The following DCX variants were observed in gnomAD, a reference collection of about 807,000 sequenced individuals.
DCX encodes doublecortin.
Under a neutral mutation model 20.9 loss-of-function variants are expected in DCX, and 4 were observed. The ratio of observed to expected loss-of-function variants is 0.19; its 90% CI spans 0.09 to 0.44. The LOEUF is 0.44. DCX is among the 20% of genes least tolerant of loss of function. The probability of loss-of-function intolerance (pLI) is 0.99; values close to 1 mark genes in which losing one functional copy is unlikely to be tolerated. For missense variants in DCX, 133 were observed against 296.9 expected (o/e 0.45, Z 4.06); for synonymous variants, 103 against 111.4 (o/e 0.92, Z 0.47).
Position 111,314,291 on chromosome X carries a change from A to C in DCX, c.947-1555T>G, listed in dbSNP as rs185286237. ...AGCTATGGAGCTCTACCTATGAGCC[A>C]AACAAAGTGTTAGACATCAAGGTTT... On this transcript the variant is annotated intron_variant, in intron 5 of 6. Transcript: ENST00000636035. Among the ~76,000 whole-genome samples the C allele has an allele frequency of 3.0e-3, 336 of 112,210 alleles. 3 individuals carry two copies. Among genetic ancestry groups the C allele is most frequent in the African/African-American group, 0.01 (322 of 30,913 alleles).
rs587783581 is a variant in DCX, at chrX:111,401,007, T to C, written c.688A>G (p.Thr230Ala). The change falls in exon 3 of 7, where the codon ACT (threonine) becomes GCT (alanine). Residue 230 changes from threonine (T) to alanine (A), a missense_variant. By Grantham distance (58) the Thr-to-Ala change is moderately conservative. Around this residue, in one of 2 missense-constraint regions of DCX, gnomAD observed 65 missense variants for 212.6 expected, o/e 0.31. Transcript: ENST00000636035. ...LETGVVKKLY[T>A]LDGKQVTCLH... ...GTACCTACCTGTTTTCCATCCAGAGTGTAGAGTTTTTTGACAACCCCGGTC... is the reference window on the plus strand; with the variant it reads ...GTACCTACCTGTTTTCCATCCAGAGCGTAGAGTTTTTTGACAACCCCGGTC... 2 of 1,209,689 alleles carry C rather than the reference T, an allele frequency of 1.7e-6. No individual in the cohort carries two copies. The highest frequency in any genetic ancestry group is 2.2e-5 in the Admixed American group (1 of 45,902).
chrX:111,372,659 TGCCCTGG>T (rs2147712582), intron 3 of DCX, among the ~76,000 whole-genome samples: 1 of 111,504 alleles, frequency 9.0e-6, no homozygotes, highest in Admixed American at 9.5e-5. Flanking sequence ...GAGAGTGGCA[TGCCCTGG>T]GCAGGGCAGA....
chrX:111,393,743 C>A (rs1439582353), intron 3 of DCX, among the ~76,000 whole-genome samples: 3 of 110,580 alleles, frequency 2.7e-5, no homozygotes, highest in East Asian at 2.9e-4. Flanking sequence ...TGTGTGATAT[C>A]ATTAATCATT....
intron 2 of DCX, among the ~76,000 whole-genome samples, chrX:111,409,767 T>C (rs757051426): frequency 2.7e-5 from 3 of 111,734 alleles, no homozygotes; most frequent in Non-Finnish European, 5.6e-5. Context: ...AAATCTAGAG[T>C]AAATGCTACA....
chrX:111,360,894 G>C (rs1428314360), intron 3 of DCX, among the ~76,000 whole-genome samples: 3 of 112,085 alleles, frequency 2.7e-5, no homozygotes, highest in Non-Finnish European at 5.6e-5. Flanking sequence ...ACACCTCTCT[G>C]TCTGTATATG....
At chrX:111,309,708 T>G (rs778665164) in intron 6 of DCX, among the ~76,000 whole-genome samples, 1 of 111,654 alleles carries the variant, frequency 9.0e-6, no homozygotes, top group Non-Finnish European at 1.9e-5. Context: ...ATAACTGGCC[T>G]GGACCTTTTA....
Position 111,410,264 on chromosome X carries a change from T to C in DCX, c.135A>G (p.Ala45=), listed in dbSNP as rs1312638300. 1.7e-6 allele frequency: 2 copies of C among 1,211,613 alleles called. No individual in the cohort carries two copies. Among genetic ancestry groups the C allele is most frequent in the South Asian group, 3.5e-5 (2 of 56,959 alleles). Residue 45 remains alanine (A), a synonymous_variant, in exon 2 of 7, where the codon GCA becomes GCG. Coordinates refer to ENST00000636035, the MANE Select transcript of DCX (RefSeq NM_001195553.2). ...CSFYRTRTLQ[A]LSNEKKAKKV... ...TCTTGGCTTTCTTCTCATTACTCAG[T>C]GCCTGCAAGGTTCTGGTTCGGTAGA...
chrX:111,295,690 A>AT lies in DCX; in HGVS notation c.*5996dup, dbSNP rs1354141785. The AT allele has an allele frequency of 8.9e-6, 1 of 112,098 alleles. No individual in the cohort carries two copies. The highest frequency in any genetic ancestry group is 1.9e-5 in the Non-Finnish European group (1 of 53,199). 9.2% of individuals were successfully genotyped at this position (112,098 alleles called of 1,213,427 possible). A position where few individuals can be genotyped will look rare whatever the true frequency, so the allele number is the denominator to read the frequency against. On this transcript the variant is annotated 3_prime_UTR_variant, in exon 7 of 7. Transcript: ENST00000636035. ...TTAGCTGATATAAATCCATGGGTGG[A>AT]TTTTTTCTCTTCAGCTGATTATGTC...
chrX:111,333,816 T>C (rs781243888), intron 3 of DCX, among the ~76,000 whole-genome samples: 6 of 111,643 alleles, frequency 5.4e-5, no homozygotes, highest in Non-Finnish European at 9.4e-5. Context: ...TCATGCCTGC[T>C]AGCATCCTAA....
At chrX:111,368,901 T>TACAGAC (rs1924849199) in intron 3 of DCX, among the ~76,000 whole-genome samples, 1 of 98,265 alleles carries the variant, frequency 1.0e-5, no homozygotes, top group Non-Finnish European at 2.1e-5. Flanking sequence ...TATATATACA[T>TACAGAC]ACACACACAC....
intron 3 of DCX, among the ~76,000 whole-genome samples, chrX:111,400,574 CA>C (rs1380817534): frequency 2.7e-5 from 3 of 112,497 alleles, no homozygotes; most frequent in Non-Finnish European, 5.6e-5. Flanking sequence ...TTCCTTTTAT[CA>C]AAATAGATGC....
rs936959096 is a variant in DCX at position 111,340,174 on chromosome X, C to G, written c.706-7021G>C. 4.4e-5 allele frequency among the ~76,000 whole-genome samples: 5 copies of G among 112,766 alleles called. No individual in the cohort carries two copies. In the South Asian group the frequency reaches 1.8e-3, roughly 42 times the overall value. On this transcript the variant is annotated intron_variant, in intron 3 of 6. Coordinates refer to ENST00000636035, the MANE Select transcript of DCX (RefSeq NM_001195553.2). Reference sequence around the variant, plus strand: ...CTCATCTCTATAGCTCCAGGCCACACTTTTCCCTTGCTGGAGCCAGGGAGC... The same window carrying G: ...CTCATCTCTATAGCTCCAGGCCACAGTTTTCCCTTGCTGGAGCCAGGGAGC...
intron 3 of DCX, among the ~76,000 whole-genome samples, chrX:111,358,873 C>G (rs1437379586): frequency 9.0e-6 from 1 of 111,447 alleles, no homozygotes; most frequent in African/African-American, 3.3e-5. Flanking sequence ...TATAAACGAC[C>G]TAGGAATAAG....
chrX:111,316,167 C>T (rs2095071454), intron 5 of DCX, among the ~76,000 whole-genome samples: 1 of 107,978 alleles, frequency 9.3e-6, no homozygotes, highest in Admixed American at 9.9e-5. Context: ...TGGGCAAAAG[C>T]TGGAAGCATT....
chrX:111,411,151 G>A, intron 1 of DCX: 2 of 443,664 alleles, frequency 4.5e-6, no homozygotes, highest in Non-Finnish European at 7.9e-6. Context: ...AATAAGCTGG[G>A]GGGAAAAAGG....
chrX:111,330,910 G>T lies in DCX; in HGVS notation c.940C>A (p.Gln314Lys). The T allele has an allele frequency of 8.3e-7, 1 of 1,211,734 alleles. No homozygotes were observed. The highest frequency in any genetic ancestry group is 1.1e-6 in the Non-Finnish European group (1 of 895,360). ...TTAGGAAAAGAGCACTCACCGTCTT[G>T]GTCGTTACCTGAGTCAGCTGGAGAC... is the stretch of plus-strand genomic sequence containing the variant. ...SKSPADSGND[Q>K]DANGTSSSQL... is the part of the protein sequence containing the mutation. The change falls in exon 5 of 7, where the codon CAA becomes AAA. Residue 314 changes from glutamine (Q) to lysine (K), a missense_variant. Around this residue, in one of 2 missense-constraint regions of DCX, gnomAD observed 68 missense variants for 84.3 expected, o/e 0.81. Coordinates refer to ENST00000636035, the MANE Select transcript of DCX (RefSeq NM_001195553.2).
intron 3 of DCX, among the ~76,000 whole-genome samples, chrX:111,377,096 CCCT>C (rs1925595022): frequency 9.0e-6 from 1 of 111,358 alleles, no homozygotes; most frequent in African/African-American, 3.3e-5. Flanking sequence ...AACACCTGAC[CCCT>C]CCTCCTCCTG....
At chrX:111,368,851 A>G (rs1195370620) in intron 3 of DCX, among the ~76,000 whole-genome samples, 2 of 109,229 alleles carry the variant, frequency 1.8e-5, no homozygotes, top group Non-Finnish European at 3.8e-5. Flanking sequence ...TACTGGATTA[A>G]TCAAGGTTCT....
chrX:111,323,104 T>C (rs929638696), intron 5 of DCX, among the ~76,000 whole-genome samples: 1 of 111,858 alleles, frequency 8.9e-6, no homozygotes, highest in Non-Finnish European at 1.9e-5. Context: ...AACATGTTTC[T>C]GGTGGAGCTA....
Sources: allele counts gnomAD v4.1 joint callset (sites outside exome capture counted in the v4.1 genomes callset), GRCh38; gene constraint gnomAD v4.1.1; regional missense constraint gnomAD v4.1.1; transcripts MANE v1.5; gene names NCBI Gene and HGNC (gene_info 2026-07-23, HGNC 2026-07-21).